The following USP28 variants were observed in gnomAD, a reference collection of about 807,000 sequenced individuals.
The protein encoded by USP28 is ubiquitin specific peptidase 28, also known as ubiquitin carboxyl-terminal hydrolase 28.
USP28 carries 113 observed loss-of-function variants against 145.0 expected under a neutral mutation model. The observed-to-expected ratio is 0.78, with a 90% CI of 0.67 to 0.91. The LOEUF (loss-of-function observed/expected upper bound fraction) is 0.91. Ranked by LOEUF, USP28 falls within the 40% of genes least tolerant of loss-of-function variation. The pLI is 0.00. For missense variants in USP28, 1,201 were observed against 1,289.6 expected (o/e 0.93, Z 1.05); for synonymous variants, 447 against 450.9 (o/e 0.99, Z 0.11).
chr11:113,815,290 CGAG>C, exon 14 of USP28: 1 of 1,613,980 alleles, frequency 6.2e-7, no homozygotes. Context: ...CATGGAAGAC[CGAG>C]AAGATGTCAG....
chr11:113,868,387 A>G (rs1385458881), intron 1 of USP28, among the ~76,000 whole-genome samples: 2 of 151,924 alleles, frequency 1.3e-5, no homozygotes, highest in Non-Finnish European at 2.9e-5. Context: ...TATTTCATAG[A>G]GTGCCTATGA....
At chr11:113,827,583 A>T (rs1355279716) in intron 10 of USP28, among the ~76,000 whole-genome samples, 5 of 152,146 alleles carry the variant, frequency 3.3e-5, no homozygotes, top group Non-Finnish European at 7.4e-5. Flanking sequence ...CAAGACTCCA[A>T]ATTTACTAGC....
chr11:113,838,224 G>A (rs982970732), intron 5 of USP28, among the ~76,000 whole-genome samples: 1 of 152,156 alleles, frequency 6.6e-6, no homozygotes, highest in African/African-American at 2.4e-5. Context: ...GGGGGCGGTG[G>A]TTGTGAATCC....
chr11:113,800,968 G>A (rs540083287), intron 24 of USP28, among the ~76,000 whole-genome samples: 8 of 151,390 alleles, frequency 5.3e-5, no homozygotes, highest in South Asian at 4.2e-4. Context: ...TCAGCCTCCC[G>A]AGTAGCTGGG....
rs1949178086 is a variant in USP28 at position 113,874,523 on chromosome 11, GTATC to G, written c.57+918_57+921del. 3 of 1,288,544 alleles carry G rather than the reference GTATC, an allele frequency of 2.3e-6. No homozygotes were observed. In the South Asian group the frequency reaches 3.7e-5, roughly 16 times the overall value. 79.8% of individuals were successfully genotyped at this position (1,288,544 alleles called of 1,614,324 possible). On this transcript the variant is annotated intron_variant, in intron 1 of 24. Transcript: ENST00000003302. ...GGTATAAAAGGATTCTCACCTGAGGGTATCTGTCTGCCAGCTTTGTACGACAAAT... is the reference window on the plus strand; with the variant it reads ...GGTATAAAAGGATTCTCACCTGAGGGTGTCTGCCAGCTTTGTACGACAAAT...
Position 113,823,467 on chromosome 11 carries a change from T to TAG in USP28, c.1283+136_1283+137dup. 4.3e-6 allele frequency: 3 copies of TAG among 689,958 alleles called. No individual in the cohort carries two copies. In the South Asian group the frequency reaches 6.1e-5, roughly 14 times the overall value. The allele number at this position is 689,958 out of a possible 1,614,324, so 42.7% of individuals were successfully genotyped here. ...CTGATCCTGAAGACTGCTTCACACTTAGACAAAAAATTTTCTTAGCTGTTT... is the reference window on the plus strand; with the variant it reads ...CTGATCCTGAAGACTGCTTCACACTTAGAGACAAAAAATTTTCTTAGCTGTTT... On this transcript the variant is annotated intron_variant, in intron 12 of 24. Coordinates refer to ENST00000003302, the Ensembl canonical transcript of USP28.
chr11:113,803,314 T>C, intron 22 of USP28, 33 bp from the exon 24 acceptor site: 1 of 1,578,914 alleles, frequency 6.3e-7, no homozygotes, highest in South Asian at 1.2e-5. Context: ...AACAGCTGAG[T>C]GCTCTTTTAC....
chr11:113,800,734 G>A (rs543071945), intron 24 of USP28, among the ~76,000 whole-genome samples: 2 of 152,056 alleles, frequency 1.3e-5, no homozygotes, highest in African/African-American at 4.8e-5. Flanking sequence ...AACAAGCAAG[G>A]ACAGTCCACT....
chr11:113,858,879 G>A (rs1004200352), intron 1 of USP28, among the ~76,000 whole-genome samples: 18 of 152,160 alleles, frequency 1.2e-4, no homozygotes, highest in African/African-American at 4.3e-4. Context: ...AAAGTGTTGG[G>A]ATTACAGGCA....
rs1186482835 is a variant in USP28 at position 113,842,288 on chromosome 11, A to G, written c.269-520T>C. 3.9e-5 allele frequency among the ~76,000 whole-genome samples: 6 copies of G among 152,236 alleles called. No individual in the cohort carries two copies. The East Asian group carries it at 9.6e-4, about 24-fold the overall frequency. On this transcript the variant is annotated intron_variant, in intron 3 of 24. Transcript: ENST00000003302. ...CAATAATATAAAAAAAAAAAATTAC[A>G]TATTAAGACCAAGTTGGCTGGGCGC... is the stretch of plus-strand genomic sequence containing the variant.
chr11:113,841,712 T>G, exon 4 of USP28: 1 of 1,613,678 alleles, frequency 6.2e-7, no homozygotes, highest in Non-Finnish European at 8.5e-7. Context: ...TCCAGTAGAC[T>G]CAAAGCAATG....
chr11:113,807,799 T>C (rs1940267977), intron 18 of USP28, among the ~76,000 whole-genome samples, 152 bp downstream of exon 19: 1 of 152,134 alleles, frequency 6.6e-6, no homozygotes, highest in Non-Finnish European at 1.5e-5. Context: ...TTTTAAATAA[T>C]GGTAACTAAG....
At chr11:113,812,579 A>G in intron 15 of USP28, 75 bp from the exon 16 acceptor site, 1 of 1,322,898 alleles carries the variant, frequency 7.6e-7, no homozygotes, top group Non-Finnish European at 1.1e-6. Flanking sequence ...TTAAGAAATT[A>G]CTGTTTATGA....
chr11:113,804,679 C>T (rs530993498), exon 21 of USP28: 2 of 1,613,930 alleles, frequency 1.2e-6, no homozygotes, highest in South Asian at 1.1e-5. Context: ...TTACCTTGTA[C>T]TCTTCCATAT....
chr11:113,852,777 G>C (rs1306041753), intron 2 of USP28, 144 bp from the exon 3 acceptor site: 2 of 946,428 alleles, frequency 2.1e-6, no homozygotes, highest in Non-Finnish European at 3.1e-6. Flanking sequence ...ATGGTGGACA[G>C]TAGGTCTAAT....
At chr11:113,832,806 T>TA (rs1282155176) in intron 7 of USP28, among the ~76,000 whole-genome samples, 1 of 152,200 alleles carries the variant, frequency 6.6e-6, no homozygotes, top group Non-Finnish European at 1.5e-5. Flanking sequence ...GGTCTCACTC[T>TA]GTCACCCAGG....
chr11:113,832,726 A>C (rs9667694), intron 7 of USP28, among the ~76,000 whole-genome samples: 2,970 of 152,226 alleles, frequency 0.02, 88 homozygotes, highest in African/African-American at 0.067. Context: ...AAAAAAAATC[A>C]TATGAGGAAG....
intron 1 of USP28, among the ~76,000 whole-genome samples, chr11:113,863,444 G>A (rs1440514687): frequency 6.6e-6 from 1 of 151,738 alleles, no homozygotes; most frequent in Admixed American, 6.6e-5. Flanking sequence ...TGAAGTGTTC[G>A]AGACCAGCCT....
At chr11:113,838,592 T>C (rs2136118170) in intron 5 of USP28, among the ~76,000 whole-genome samples, 1 of 152,302 alleles carries the variant, frequency 6.6e-6, no homozygotes, top group East Asian at 1.9e-4. Context: ...GTTCCCTATG[T>C]AATTAAATAG....
Sources: allele counts gnomAD v4.1 joint callset (sites outside exome capture counted in the v4.1 genomes callset), GRCh38; gene constraint gnomAD v4.1.1; transcripts MANE v1.5; gene names NCBI Gene and HGNC (gene_info 2026-07-23, HGNC 2026-07-21).